Variants in SLC43A2 observed in about 807,000 individuals in gnomAD.
SLC43A2 encodes the protein solute carrier family 43 member 2.
SLC43A2 carries 38 observed loss-of-function variants against 63.2 expected under a neutral mutation model. That is an observed-to-expected ratio of 0.60 (90% CI 0.46 to 0.79). SLC43A2 has a LOEUF of 0.79. SLC43A2 is among the 30% of genes least tolerant of loss of function. The pLI is 0.00. For synonymous variants in SLC43A2, 322 were observed against 331.0 expected (o/e 0.97, Z 0.30); for missense variants, 644 against 756.2 (o/e 0.85, Z 1.74).
chr17:1,576,897 C>T (rs1264698481), intron 12 of SLC43A2, among the ~76,000 whole-genome samples, 177 bp from the exon 13 acceptor site: 1 of 148,542 alleles, frequency 6.7e-6, no homozygotes, highest in Non-Finnish European at 1.5e-5. Flanking sequence ...TGGAGTCTTG[C>T]ACTGTCGCCT....
chr17:1,586,929 C>CCCCCCCCCCCCCCCCCCCCCCCCG, intron 9 of SLC43A2: 3 of 657,348 alleles, frequency 4.6e-6, no homozygotes, highest in South Asian at 1.6e-5. Flanking sequence ...CCCTGACAAT[C>CCCCCCCCCCCCCCCCCCCCCCCCG]CCCCCCACCC....
chr17:1,605,133 C>T lies in SLC43A2; in HGVS notation c.501+8062G>A, dbSNP rs1414192952. 9.3e-6 allele frequency: 12 copies of T among 1,285,706 alleles called. No homozygotes were observed. The East Asian group carries it at 4.5e-4, about 49-fold the overall frequency. 79.6% of individuals were successfully genotyped at this position (1,285,706 alleles called of 1,614,324 possible). A position where few individuals can be genotyped will look rare whatever the true frequency, so the allele number is the denominator to read the frequency against. ...GCCCTCAGGTGCTTCCCACAGCCCCCTCGCCGCCTCTGCCTCCGTGCGGGT... is the reference window on the plus strand; with the variant it reads ...GCCCTCAGGTGCTTCCCACAGCCCCTTCGCCGCCTCTGCCTCCGTGCGGGT... On this transcript the variant is annotated intron_variant, in intron 5 of 13. Transcript: ENST00000301335. This position sits in a 1 kb window ranked among gnomAD's most constrained non-coding sequence, Gnocchi z 4.9.
chr17:1,593,258 G>T lies in SLC43A2; in HGVS notation c.523C>A (p.Leu175Ile). ...ATCAAGGCAATAAACGTGGACCGAA[G>T]GTCGCCGAACATGTTGGGCAGCTGA... ...SLTLPNMFGD[L>I]RSTFIALMIG... The change falls in exon 6 of 14, where the codon CTT (leucine) becomes ATT (isoleucine). Residue 175 changes from leucine (L) to isoleucine (I), a missense_variant. Transcript: ENST00000301335. The surrounding 1 kb of genome is among the most constrained non-coding windows in gnomAD (Gnocchi z 5.3). 1 of 1,613,980 alleles carries T rather than the reference G, an allele frequency of 6.2e-7. No homozygotes were observed. Among genetic ancestry groups the T allele is most frequent in the African/African-American group, 1.3e-5 (1 of 75,058 alleles).
intron 2 of SLC43A2, 62 bp downstream of exon 2, chr17:1,627,653 T>TAC: frequency 1.3e-5 from 4 of 298,354 alleles, no homozygotes; most frequent in Admixed American, 4.6e-5. Context: ...TTCGCCCCCA[T>TAC]CCCGCCCCCT....
Position 1,571,882 on chromosome 17 carries a change from T to TG in SLC43A2, c.*3721dup, listed in dbSNP as rs542626236. 4.9e-4 allele frequency: 74 copies of TG among 151,810 alleles called. No homozygotes were observed. Among genetic ancestry groups the TG allele is most frequent in the Admixed American group, 3.9e-3 (59 of 15,210 alleles). The allele number at this position is 151,810 out of a possible 1,614,324, so 9.4% of individuals were successfully genotyped here. ...CCCAGAGTCTAGTGAGGAGAGGGAC[T>TG]GGGGGCAGTGTTTCGGCAGCAGACC... On this transcript the variant is annotated 3_prime_UTR_variant, in exon 14 of 14. Transcript: ENST00000301335. The surrounding 1 kb of genome is among the most constrained non-coding windows in gnomAD (Gnocchi z 5.2).
intron 9 of SLC43A2, among the ~76,000 whole-genome samples, chr17:1,588,978 G>C (rs1299187711): frequency 1.3e-5 from 2 of 152,236 alleles, no homozygotes; most frequent in Non-Finnish European, 1.5e-5. Context: ...GAGCCGCAAA[G>C]CTCACGAGTG....
At chr17:1,612,886 C>T (rs1461573600) in intron 5 of SLC43A2, among the ~76,000 whole-genome samples, 3 of 152,058 alleles carry the variant, frequency 2.0e-5, no homozygotes, top group Non-Finnish European at 4.4e-5. Flanking sequence ...GCAGGAGAAT[C>T]GCTTGAACCT....
In SLC43A2 at chr17:1,627,691, CGCAA is replaced by C; in HGVS notation, c.160+20_160+23del. On this transcript the variant is annotated intron_variant, in intron 2 of 13. Transcript: ENST00000301335. ...CAAAGCCCCAGCTCCAGGAGCCCCC[CGCAA>C]CCCCAGGCGCTTGTCTCACCTGGCT... is the stretch of plus-strand genomic sequence containing the variant. The C allele has an allele frequency of 1.3e-6, 2 of 1,498,234 alleles. No homozygotes were observed. The highest frequency in any genetic ancestry group is 1.8e-6 in the Non-Finnish European group (2 of 1,118,396). The allele number at this position is 1,498,234 out of a possible 1,614,324, so 92.8% of individuals were successfully genotyped here. A position where few individuals can be genotyped will look rare whatever the true frequency, so the allele number is the denominator to read the frequency against.
Position 1,578,380 on chromosome 17 carries a change from C to A in SLC43A2, c.1351-57G>T. Reference sequence around the variant, plus strand: ...GGCCTTAAGGGACCGTCCCCTCAGCCCCCGCCCTCCAATTCCTGGGGGCCC... The same window carrying A: ...GGCCTTAAGGGACCGTCCCCTCAGCACCCGCCCTCCAATTCCTGGGGGCCC... On this transcript the variant is annotated intron_variant, in intron 11 of 13. Transcript: ENST00000301335. This position sits in a 1 kb window ranked among gnomAD's most constrained non-coding sequence, Gnocchi z 6.5. 8 of 1,545,592 alleles carry A rather than the reference C, an allele frequency of 5.2e-6. No homozygotes were observed. The East Asian group carries it at 1.2e-4, about 23-fold the overall frequency.
chr17:1,578,387 C>G lies in SLC43A2; in HGVS notation c.1351-64G>C. On this transcript the variant is annotated intron_variant, in intron 11 of 13. Coordinates refer to ENST00000301335, the MANE Select transcript of SLC43A2 (RefSeq NM_152346.3). The surrounding 1 kb of genome is among the most constrained non-coding windows in gnomAD (Gnocchi z 6.5). ...AGGGACCGTCCCCTCAGCCCCCGCC[C>G]TCCAATTCCTGGGGGCCCTCACCCC... The G allele has an allele frequency of 1.3e-6, 2 of 1,510,166 alleles. No homozygotes were observed. Among genetic ancestry groups the G allele is most frequent in the Non-Finnish European group, 1.8e-6 (2 of 1,102,238 alleles). 93.5% of individuals were successfully genotyped at this position (1,510,166 alleles called of 1,614,324 possible).
In SLC43A2 at chr17:1,605,072, C is replaced by T; in HGVS notation, c.501+8123G>A. On this transcript the variant is annotated intron_variant, in intron 5 of 13. Coordinates refer to ENST00000301335, the MANE Select transcript of SLC43A2 (RefSeq NM_152346.3). The surrounding 1 kb of genome is among the most constrained non-coding windows in gnomAD (Gnocchi z 4.9). ...GCCGGAGCTGTTTCCTGACTCACCA[C>T]CACACTCACAGGTGGGAGTGCAAGC... 2.3e-6 allele frequency: 3 copies of T among 1,289,218 alleles called. No individual in the cohort carries two copies. Among genetic ancestry groups the T allele is most frequent in the Non-Finnish European group, 3.0e-6 (3 of 997,744 alleles). 79.9% of individuals were successfully genotyped at this position (1,289,218 alleles called of 1,614,324 possible).
At chr17:1,600,100 CTT>C (rs200335951) in intron 5 of SLC43A2, among the ~76,000 whole-genome samples, 7 of 88,962 alleles carry the variant, frequency 7.9e-5, no homozygotes, top group Non-Finnish European at 1.1e-4. Context: ...GTTAATCTTT[CTT>C]TTTTTTTTTT....
At chr17:1,612,954 A>G (rs1907260766) in intron 5 of SLC43A2, among the ~76,000 whole-genome samples, 1 of 151,878 alleles carries the variant, frequency 6.6e-6, no homozygotes, top group Admixed American at 6.6e-5. Flanking sequence ...CCTGGGCGAC[A>G]GAGCAAGACT....
At chr17:1,600,742 G>C (rs978218408) in intron 5 of SLC43A2, among the ~76,000 whole-genome samples, 7 of 151,418 alleles carry the variant, frequency 4.6e-5, no homozygotes, top group Non-Finnish European at 8.8e-5. Flanking sequence ...ATTTTTAGTA[G>C]AGACAGGGTT....
At chr17:1,582,120 T>C (rs546312043) in intron 11 of SLC43A2, among the ~76,000 whole-genome samples, 42 of 138,282 alleles carry the variant, frequency 3.0e-4, no homozygotes, top group South Asian at 1.9e-3. Flanking sequence ...CACTCTGTCA[T>C]CCAGGCTGGA....
chr17:1,575,789 A>C, intron 13 of SLC43A2, 24 bp from the exon 14 acceptor site: 1 of 1,594,270 alleles, frequency 6.3e-7, no homozygotes, highest in Non-Finnish European at 8.5e-7. Flanking sequence ...GAGGCCGCGC[A>C]TCACAGGGCG....
chr17:1,582,557 T>G (rs1461273026), intron 11 of SLC43A2, among the ~76,000 whole-genome samples: 2 of 152,162 alleles, frequency 1.3e-5, no homozygotes, highest in Non-Finnish European at 2.9e-5. Context: ...AACAAGGAAC[T>G]CTACAGCGAC....
chr17:1,593,288 TAAG>T lies in SLC43A2; in HGVS notation c.502-12_502-10del, dbSNP rs759852535. ...CCGAACATGTTGGGCAGCTGAGAGA[TAAG>T]AAGCAGAGAAACCTCAGTGGGGAGG... On this transcript the variant is annotated splice_polypyrimidine_tract_variant and intron_variant, in intron 5 of 13. Coordinates refer to ENST00000301335, the MANE Select transcript of SLC43A2 (RefSeq NM_152346.3). This position sits in a 1 kb window ranked among gnomAD's most constrained non-coding sequence, Gnocchi z 5.3. 8 of 1,612,540 alleles carry T rather than the reference TAAG, an allele frequency of 5.0e-6. No homozygotes were observed. Among genetic ancestry groups the T allele is most frequent in the Non-Finnish European group, 6.8e-6 (8 of 1,179,448 alleles).
At chr17:1,607,468 C>T (rs1478667339) in intron 5 of SLC43A2, among the ~76,000 whole-genome samples, 2 of 152,170 alleles carry the variant, frequency 1.3e-5, no homozygotes, top group African/African-American at 4.8e-5. Flanking sequence ...GGGGTCTGTT[C>T]TCAAGGAGCA....
Sources: allele counts gnomAD v4.1 joint callset (sites outside exome capture counted in the v4.1 genomes callset), GRCh38; gene constraint gnomAD v4.1.1; non-coding constraint Gnocchi (gnomAD v3.1); transcripts MANE v1.5; gene names NCBI Gene and HGNC (gene_info 2026-07-23, HGNC 2026-07-21).